Variants in PACRG observed in about 807,000 individuals in gnomAD.
The protein encoded by PACRG is parkin coregulated, also known as parkin coregulated gene protein.
In PACRG, 29 loss-of-function variants were observed where a neutral mutation model predicts 29.7. The observed-to-expected ratio is 0.98, with a 90% CI of 0.73 to 1.33. The LOEUF (loss-of-function observed/expected upper bound fraction) is 1.33, where lower values mean the gene tolerates loss of function less well. Among genes scored for constraint, PACRG ranks in the 40% most tolerant of loss-of-function variants. PACRG has a pLI of 0.00. For missense variants in PACRG, 279 were observed against 316.2 expected, an observed-to-expected ratio of 0.88 and a Z score of 0.89; for synonymous variants, 116 against 118.7, an observed-to-expected ratio of 0.98 and a Z score of 0.15.
At chr6:162,766,049 A>G (rs1194509208) in intron 1 of PACRG, among the ~76,000 whole-genome samples, 3 of 152,226 alleles carry the variant, frequency 2.0e-5, no homozygotes, top group Non-Finnish European at 4.4e-5. Flanking sequence ...CTGTCACTCA[A>G]CTATTTATCA....
chr6:163,311,438 T>C (rs958407746), intron 4 of PACRG, among the ~76,000 whole-genome samples: 4 of 152,252 alleles, frequency 2.6e-5, no homozygotes, highest in African/African-American at 7.2e-5. Context: ...TAATGTCCTA[T>C]TCTCACAAAC....
chr6:162,785,762 C>T (rs576371168), intron 1 of PACRG, among the ~76,000 whole-genome samples: 7 of 152,214 alleles, frequency 4.6e-5, no homozygotes, highest in Non-Finnish European at 1.0e-4. Flanking sequence ...GGAGCTCAGG[C>T]GGTAATGCTG....
chr6:162,794,819 T>G (rs1206917208), intron 1 of PACRG, among the ~76,000 whole-genome samples: 1 of 152,142 alleles, frequency 6.6e-6, no homozygotes, highest in Non-Finnish European at 1.5e-5. Context: ...AAACAAACAA[T>G]GATTCCTCAT....
intron 2 of PACRG, among the ~76,000 whole-genome samples, chr6:163,057,575 T>C (rs1308630592): frequency 6.6e-6 from 1 of 152,190 alleles, no homozygotes; most frequent in Admixed American, 6.5e-5. Flanking sequence ...GCCACAACTC[T>C]GGCTCATTTT....
intron 2 of PACRG, among the ~76,000 whole-genome samples, chr6:162,962,536 G>A (rs1229852089): frequency 6.6e-6 from 1 of 150,576 alleles, no homozygotes; most frequent in Non-Finnish European, 1.5e-5. Flanking sequence ...CATGAAAGTG[G>A]GGCCCCCATG....
At chr6:163,108,784 CT>C (rs1230023114) in intron 4 of PACRG, among the ~76,000 whole-genome samples, 3 of 152,182 alleles carry the variant, frequency 2.0e-5, no homozygotes, top group Non-Finnish European at 4.4e-5. Context: ...ACTAATAACA[CT>C]GTCCATACAA....
intron 4 of PACRG, among the ~76,000 whole-genome samples, chr6:163,151,134 A>G (rs1425486066): frequency 1.3e-5 from 2 of 152,192 alleles, no homozygotes; most frequent in Non-Finnish European, 2.9e-5. Flanking sequence ...AATTTGATAA[A>G]CTTTTATTTG....
chr6:162,785,780 C>T (rs541522358), intron 1 of PACRG, among the ~76,000 whole-genome samples: 2 of 152,292 alleles, frequency 1.3e-5, no homozygotes, highest in African/African-American at 4.8e-5. Flanking sequence ...CTGGCTTGCC[C>T]ACTGCTCACC....
chr6:162,733,908 T>C (rs1779965336), intron 1 of PACRG, among the ~76,000 whole-genome samples: 1 of 145,242 alleles, frequency 6.9e-6, no homozygotes, highest in South Asian at 2.2e-4. Flanking sequence ...CTGTTTTATA[T>C]TTTTCCCTCT....
At chr6:163,006,207 C>A (rs868550346) in intron 2 of PACRG, among the ~76,000 whole-genome samples, 4 of 95,110 alleles carry the variant, frequency 4.2e-5, no homozygotes, top group East Asian at 1.0e-3. Flanking sequence ...ATATATATAT[C>A]CCATATATAT....
intron 4 of PACRG, among the ~76,000 whole-genome samples, chr6:163,303,752 T>A (rs189285821): frequency 3.3e-3 from 502 of 152,106 alleles, no homozygotes; most frequent in Non-Finnish European, 5.9e-3. Context: ...CTCATGCCTG[T>A]AATCCCAGCA....
At chr6:163,031,838 TACCAC>T (rs1232236687) in intron 2 of PACRG, among the ~76,000 whole-genome samples, 1 of 152,152 alleles carries the variant, frequency 6.6e-6, no homozygotes, top group African/African-American at 2.4e-5. Flanking sequence ...ATTCTTTACT[TACCAC>T]AGGTCAGAAA....
intron 4 of PACRG, 102 bp from the exon 5 acceptor site, chr6:163,314,725 G>A (rs1186147305): frequency 3.9e-6 from 5 of 1,272,024 alleles, no homozygotes; most frequent in Non-Finnish European, 5.3e-6. Context: ...TTGCATGTTT[G>A]TGTCTCCTAA....
chr6:162,826,046 C>T (rs1461216733), intron 2 of PACRG, among the ~76,000 whole-genome samples: 2 of 151,930 alleles, frequency 1.3e-5, no homozygotes, highest in Admixed American at 6.6e-5. Context: ...TGAATATCTT[C>T]GCTTACATGC....
At chr6:163,061,284 A>G (rs1304636284) in intron 2 of PACRG, among the ~76,000 whole-genome samples, 2 of 152,180 alleles carry the variant, frequency 1.3e-5, no homozygotes, top group Non-Finnish European at 2.9e-5. Context: ...GCAGTAGCTC[A>G]GGCCACAGGT....
At position 163,310,570 on chromosome 6, in the gene PACRG, A is replaced by G. The variant is rs529117884; in HGVS notation, c.614-4257A>G. 4 of 152,190 alleles carry G rather than the reference A, an allele frequency of 2.6e-5. No individual in the cohort carries two copies. In the East Asian group the frequency reaches 7.7e-4, roughly 29 times the overall value. 9.4% of individuals were successfully genotyped at this position (152,190 alleles called of 1,614,324 possible). Reference sequence around the variant, plus strand: ...CAGGACGGAGGAGCAACGCGTCAGCACACGTCCCGGGAGTGACGTGGGAAG... The same window carrying G: ...CAGGACGGAGGAGCAACGCGTCAGCGCACGTCCCGGGAGTGACGTGGGAAG... On this transcript the variant is annotated intron_variant, in intron 4 of 4. Coordinates refer to ENST00000366888, the MANE Select transcript of PACRG (RefSeq NM_001080379.2).
rs554228049 is a variant in PACRG, at chr6:163,131,168, C to A, written c.613+41760C>A. ...TAAAAAATACAAAAAATTATCCGGG[C>A]GTGGTGGCGGGCGCCTGTAGTCCCA... On this transcript the variant is annotated intron_variant, in intron 4 of 4. Transcript: ENST00000366888. Among the ~76,000 whole-genome samples, 5 of 152,106 alleles carry A rather than the reference C, an allele frequency of 3.3e-5. No homozygotes were observed. The East Asian group carries it at 7.8e-4, about 24-fold the overall frequency.
intron 2 of PACRG, among the ~76,000 whole-genome samples, chr6:162,878,388 TTC>T (rs1437249268): frequency 6.6e-6 from 1 of 152,208 alleles, no homozygotes; most frequent in South Asian, 2.1e-4. Context: ...TGATAATGAA[TTC>T]TTTTTTGAAT....
intron 4 of PACRG, among the ~76,000 whole-genome samples, chr6:163,158,703 T>A (rs1778424754): frequency 6.6e-6 from 1 of 152,220 alleles, no homozygotes; most frequent in Non-Finnish European, 1.5e-5. Context: ...GATATAAATA[T>A]GCAATCTTGA....
Sources: gnomAD v4.1 joint callset for allele counts (sites outside exome capture counted in the v4.1 genomes callset) on GRCh38, gnomAD v4.1.1 for gene constraint, MANE v1.5 for transcripts, NCBI Gene and HGNC (gene_info 2026-07-23, HGNC 2026-07-21) for gene names.